PCDHA2: variants seen among roughly 807,000 people sequenced by gnomAD.
PCDHA2 encodes protocadherin alpha-2.
Under a neutral mutation model 66.0 loss-of-function variants are expected in PCDHA2, and 58 were observed. The observed-to-expected ratio is 0.88, with a 90% CI of 0.71 to 1.09. PCDHA2 has a LOEUF of 1.09. Among genes scored for constraint, PCDHA2 ranks in the 50% least tolerant of loss-of-function variants. The probability of loss-of-function intolerance (pLI) is 0.00; values close to 1 mark genes in which losing one functional copy is unlikely to be tolerated. For synonymous variants in PCDHA2, 634 were observed against 554.0 expected (o/e 1.14, Z -2.03); for missense variants, 1,267 against 1,242.3 (o/e 1.02, Z -0.30).
intron 1 of PCDHA2, among the ~76,000 whole-genome samples, chr5:140,930,720 A>T (rs574022781): frequency 5.3e-5 from 8 of 152,226 alleles, no homozygotes; most frequent in Non-Finnish European, 8.8e-5. Flanking sequence ...TCAAGTAATG[A>T]TGTTAACTGC....
Position 140,807,398 on chromosome 5 carries a change from C to G in PCDHA2, c.2388+10046C>G. On this transcript the variant is annotated intron_variant, in intron 1 of 3. Transcript: ENST00000526136. ...CCTGTTCCGGGTGGCGTCCAAGGGC[C>G]GCGGAGGCCTTCTGGAGGTAAATCT... is the stretch of plus-strand genomic sequence containing the variant. 2.0e-6 allele frequency: 3 copies of G among 1,498,068 alleles called. 1 individual carries two copies. The highest frequency in any genetic ancestry group is 2.7e-6 in the Non-Finnish European group (3 of 1,094,234). 92.8% of individuals were successfully genotyped at this position (1,498,068 alleles called of 1,614,324 possible).
chr5:140,967,471 A>G (rs2096144842), intron 1 of PCDHA2: 3 of 1,613,466 alleles, frequency 1.9e-6, no homozygotes, highest in Middle Eastern at 1.7e-4. Context: ...GGGGCATCCC[A>G]GCCCGCTCGG....
rs2150132919 is a variant in PCDHA2, at chr5:140,824,166, A to G, written c.2388+26814A>G. 16 of 1,610,082 alleles carry G rather than the reference A, an allele frequency of 9.9e-6. No homozygotes were observed. The South Asian group carries it at 1.8e-4, about 18-fold the overall frequency. ...TATTAACATCCATCTTTCCCTCCCA[A>G]TTTTCAAATATTAAATGTCACATTC... is the stretch of plus-strand genomic sequence containing the variant. On this transcript the variant is annotated intron_variant, in intron 1 of 3. Transcript: ENST00000526136.
intron 1 of PCDHA2, chr5:140,967,346 G>C (rs1332345482): frequency 6.2e-7 from 1 of 1,607,970 alleles, no homozygotes; most frequent in Non-Finnish European, 8.5e-7. Context: ...CGAGCACTTC[G>C]AGCTGGACCT....
intron 1 of PCDHA2, among the ~76,000 whole-genome samples, chr5:140,955,342 C>T (rs981239160): frequency 1.3e-5 from 2 of 152,130 alleles, no homozygotes; most frequent in Admixed American, 6.6e-5. Context: ...ATAATCCCCA[C>T]ATGTTGTGAG....
intron 1 of PCDHA2, chr5:140,855,838 A>G (rs1554147969): frequency 1.6e-6 from 1 of 616,858 alleles, no homozygotes. Flanking sequence ...TCGTACTTAC[A>G]CCTAAAGCCA....
At chr5:140,868,805 C>T (rs1316864299) in intron 1 of PCDHA2, 7 of 356,302 alleles carry the variant, frequency 2.0e-5, no homozygotes, top group African/African-American at 1.4e-4. Context: ...TAAATAAGCA[C>T]GTTGGAAATA....
chr5:140,806,323 A>G (rs1281817199), intron 1 of PCDHA2, among the ~76,000 whole-genome samples: 2 of 152,238 alleles, frequency 1.3e-5, no homozygotes, highest in South Asian at 4.1e-4. Flanking sequence ...TAGGCACATT[A>G]CATACTGGAG....
At chr5:140,997,910 A>T (rs2097790102) in intron 3 of PCDHA2, among the ~76,000 whole-genome samples, 2 of 152,234 alleles carry the variant, frequency 1.3e-5, no homozygotes. Flanking sequence ...AAGTAGAATT[A>T]CAGAATCATA....
intron 1 of PCDHA2, among the ~76,000 whole-genome samples, chr5:140,964,965 G>GA (rs1296818132): frequency 6.6e-6 from 1 of 152,204 alleles, no homozygotes; most frequent in Non-Finnish European, 1.5e-5. Context: ...TTGGTGGAAC[G>GA]AAGGGATGTG....
chr5:140,941,211 CTTCCTTTCTTTCTTT>C (rs1563185551), intron 1 of PCDHA2, among the ~76,000 whole-genome samples: 1,583 of 129,706 alleles, frequency 0.012, 22 homozygotes, highest in African/African-American at 0.029. Flanking sequence ...TCCTTTCTTT[CTTCCTTTCTTTCTTT>C]CTTTCTTTCT....
intron 3 of PCDHA2, among the ~76,000 whole-genome samples, chr5:141,001,011 A>G (rs912284389): frequency 3.9e-5 from 6 of 152,206 alleles, no homozygotes; most frequent in African/African-American, 1.4e-4. Context: ...ATGTATTTAG[A>G]TATACACTTA....
rs549678873 is a variant in PCDHA2, at chr5:140,877,710, G to GA, written c.2388+80359dup. ...CGCTGGTGTGCTCCAGCGCCGTGGG[G>GA]AGTTGGTCTTACTCGCAGCAGAGGA... is the stretch of plus-strand genomic sequence containing the variant. On this transcript the variant is annotated intron_variant, in intron 1 of 3. Transcript: ENST00000526136. 3.7e-5 allele frequency: 60 copies of GA among 1,614,098 alleles called. 1 individual carries two copies. The Admixed American group carries it at 8.2e-4, about 22-fold the overall frequency.
intron 1 of PCDHA2, among the ~76,000 whole-genome samples, chr5:140,832,988 T>G (rs1772237826): frequency 6.6e-6 from 1 of 152,168 alleles, no homozygotes; most frequent in Admixed American, 6.6e-5. Context: ...AAATGAGGAA[T>G]AGTCCACTTT....
chr5:140,911,687 G>A (rs1554194873), intron 1 of PCDHA2, among the ~76,000 whole-genome samples: 1 of 152,166 alleles, frequency 6.6e-6, no homozygotes, highest in Non-Finnish European at 1.5e-5. Context: ...CGTGCATCAG[G>A]AGTGTCAAAT....
At chr5:140,875,886 A>C (rs201813340) in intron 1 of PCDHA2, 1 of 1,614,176 alleles carries the variant, frequency 6.2e-7, no homozygotes, top group Non-Finnish European at 8.5e-7. Flanking sequence ...AAAGGGAACA[A>C]AAGGTACCTG....
At chr5:140,991,183 A>G (rs3776108) in intron 3 of PCDHA2, among the ~76,000 whole-genome samples, 7,613 of 152,310 alleles carry the variant, frequency 0.05, 238 homozygotes, top group South Asian at 0.11. Flanking sequence ...CAGGATGCCT[A>G]GCACACAATG....
intron 1 of PCDHA2, chr5:140,877,658 T>G: frequency 6.2e-7 from 1 of 1,613,486 alleles, no homozygotes. Context: ...CCGCCCACCG[T>G]GAGCCGGTGC....
At position 140,944,452 on chromosome 5, in the gene PCDHA2, G is replaced by A. The variant is rs147335783; in HGVS notation, c.2389-34497G>A. 1.8e-3 allele frequency among the ~76,000 whole-genome samples: 280 copies of A among 152,282 alleles called. 3 individuals are homozygous for A. Among genetic ancestry groups the A allele is most frequent in the African/African-American group, 6.4e-3 (266 of 41,552 alleles). ...TCTGCCTGCCTCGGCCTCCCAAAGTGCTGGGATTACAGGTATGAGGCACTG... is the reference window on the plus strand; with the variant it reads ...TCTGCCTGCCTCGGCCTCCCAAAGTACTGGGATTACAGGTATGAGGCACTG... On this transcript the variant is annotated intron_variant, in intron 1 of 3. Coordinates refer to ENST00000526136, the MANE Select transcript of PCDHA2 (RefSeq NM_018905.3).
Sources: gnomAD v4.1 joint callset for allele counts (sites outside exome capture counted in the v4.1 genomes callset) on GRCh38, gnomAD v4.1.1 for gene constraint, MANE v1.5 for transcripts, NCBI Gene and HGNC (gene_info 2026-07-23, HGNC 2026-07-21) for gene names.